The following NEK7 variants were observed in gnomAD, a reference collection of about 807,000 sequenced individuals.
NEK7 encodes NIMA related kinase 7, also known as serine/threonine-protein kinase Nek7.
In NEK7, 18 loss-of-function variants were observed where a neutral mutation model predicts 44.6. The observed-to-expected ratio is 0.40, with a 90% CI of 0.28 to 0.60. The LOEUF (loss-of-function observed/expected upper bound fraction) is 0.60, where lower values mean the gene tolerates loss of function less well. Ranked by LOEUF, NEK7 falls within the 20% of genes least tolerant of loss-of-function variation. NEK7 has a pLI of 0.38. For missense variants in NEK7, 256 were observed against 366.5 expected, an observed-to-expected ratio of 0.70 and a Z score of 2.46; for synonymous variants, 130 against 121.1, an observed-to-expected ratio of 1.07 and a Z score of -0.48.
chr1:198,249,194 T>A (rs1412515216), intron 2 of NEK7, among the ~76,000 whole-genome samples: 1 of 151,922 alleles, frequency 6.6e-6, no homozygotes, highest in Non-Finnish European at 1.5e-5. Flanking sequence ...TCCAGTTTCA[T>A]CCATGTCCCT....
chr1:198,171,629 A>G (rs538004975), intron 1 of NEK7, among the ~76,000 whole-genome samples: 1 of 151,810 alleles, frequency 6.6e-6, no homozygotes, highest in Non-Finnish European at 1.5e-5. Context: ...CAGTGAGCTG[A>G]GATTGTGCAA....
At chr1:198,217,399 T>A (rs1665952004) in intron 1 of NEK7, among the ~76,000 whole-genome samples, 1 of 123,260 alleles carries the variant, frequency 8.1e-6, no homozygotes, top group African/African-American at 3.8e-5. Flanking sequence ...CATCTCCTTA[T>A]GATAAAAACC....
chr1:198,212,088 A>C lies in NEK7; in HGVS notation c.-28-20465A>C, dbSNP rs543514560. On this transcript the variant is annotated intron_variant, in intron 1 of 9. Transcript: ENST00000367385. Reference sequence around the variant, plus strand: ...CCCAGACTCCAGTGGGATGGGAGCGAAGCCATTCCTGATCCTGTCTCACAG... The same window carrying C: ...CCCAGACTCCAGTGGGATGGGAGCGCAGCCATTCCTGATCCTGTCTCACAG... 2.6e-5 allele frequency among the ~76,000 whole-genome samples: 4 copies of C among 152,360 alleles called. No individual in the cohort carries two copies. In the East Asian group the frequency reaches 5.8e-4, roughly 22 times the overall value.
chr1:198,208,071 A>AT (rs1243890787), intron 1 of NEK7, among the ~76,000 whole-genome samples: 1 of 152,030 alleles, frequency 6.6e-6, no homozygotes, highest in East Asian at 1.9e-4. Context: ...GTTTAATTAA[A>AT]TTTGCCCTGT....
At chr1:198,254,219 T>C (rs1245019085) in intron 3 of NEK7, among the ~76,000 whole-genome samples, 1 of 152,182 alleles carries the variant, frequency 6.6e-6, no homozygotes, top group Non-Finnish European at 1.5e-5. Context: ...ATAATAGAGA[T>C]ACCCGCATAT....
intron 1 of NEK7, among the ~76,000 whole-genome samples, chr1:198,194,777 T>TA (rs1230221893): frequency 3.9e-5 from 6 of 152,216 alleles, no homozygotes; most frequent in Admixed American, 1.3e-4. Flanking sequence ...GCAGTGAACA[T>TA]ACAGGAGCAT....
intron 3 of NEK7, among the ~76,000 whole-genome samples, chr1:198,258,857 C>T (rs1332293534): frequency 6.6e-6 from 1 of 152,114 alleles, no homozygotes; most frequent in Admixed American, 6.6e-5. Flanking sequence ...CTTACAAAGT[C>T]CATATTTTCA....
intron 1 of NEK7, 97 bp from the exon 2 acceptor site, chr1:198,232,456 T>G (rs1053062628): frequency 3.3e-6 from 2 of 605,550 alleles, no homozygotes; most frequent in Admixed American, 2.5e-5. Flanking sequence ...AAGCATCAAG[T>G]AAATCTCTAG....
At chr1:198,216,860 CCTCGAAAACGACAACCCTT>C (rs1665936341) in intron 1 of NEK7, among the ~76,000 whole-genome samples, 1 of 151,722 alleles carries the variant, frequency 6.6e-6, no homozygotes, top group Non-Finnish European at 1.5e-5. Context: ...TTATCAATTT[CCTCGAAAACGACAACCCTT>C]CTAGATTGAA....
rs559628697 is a variant in NEK7, at chr1:198,310,626, G to C, written c.799-8786G>C. Among the ~76,000 whole-genome samples the C allele has an allele frequency of 4.6e-5, 7 of 151,940 alleles. No homozygotes were observed. The East Asian group carries it at 1.4e-3, about 29-fold the overall frequency. ...TCTTGAATTGATTTTTGTATAAGGTGTAAGGAAGGGATCCAGTTTCAGCTT... is the reference window on the plus strand; with the variant it reads ...TCTTGAATTGATTTTTGTATAAGGTCTAAGGAAGGGATCCAGTTTCAGCTT... On this transcript the variant is annotated intron_variant, in intron 9 of 9. Coordinates refer to ENST00000367385, the MANE Select transcript of NEK7 (RefSeq NM_133494.3).
At chr1:198,211,761 T>C (rs1276761043) in intron 1 of NEK7, among the ~76,000 whole-genome samples, 1 of 152,248 alleles carries the variant, frequency 6.6e-6, no homozygotes, top group East Asian at 1.9e-4. Context: ...GCATGCCTTT[T>C]CCACTTCGAA....
intron 2 of NEK7, among the ~76,000 whole-genome samples, chr1:198,238,766 T>A (rs755116664): frequency 2.6e-5 from 4 of 152,260 alleles, no homozygotes; most frequent in Non-Finnish European, 5.9e-5. Context: ...CCAAGCCAAT[T>A]AGTTTTTAGC....
At chr1:198,271,041 G>C (rs1653827134) in intron 5 of NEK7, among the ~76,000 whole-genome samples, 2 of 151,928 alleles carry the variant, frequency 1.3e-5, no homozygotes, top group East Asian at 3.9e-4. Context: ...TTAGGTTCTT[G>C]AGGCTGCTGG....
chr1:198,208,110 C>G (rs1665651382), intron 1 of NEK7, among the ~76,000 whole-genome samples: 1 of 152,084 alleles, frequency 6.6e-6, no homozygotes, highest in Non-Finnish European at 1.5e-5. Context: ...ACATTTCTTC[C>G]TATATCTTTA....
chr1:198,293,145 T>A (rs1394071532), intron 8 of NEK7, 106 bp downstream of exon 8: 2 of 610,188 alleles, frequency 3.3e-6, no homozygotes, highest in Non-Finnish European at 5.6e-6. Context: ...AAGAATCACC[T>A]TTTTAATTGT....
intron 1 of NEK7, among the ~76,000 whole-genome samples, chr1:198,225,575 C>T (rs1032655648): frequency 2.6e-5 from 4 of 152,038 alleles, no homozygotes; most frequent in African/African-American, 9.7e-5. Context: ...CTAACAATAC[C>T]TCTCTCATAT....
chr1:198,262,787 A>G (rs1391839536), intron 4 of NEK7, 150 bp downstream of exon 4: 4 of 406,030 alleles, frequency 9.9e-6, no homozygotes, highest in African/African-American at 8.3e-5. Context: ...AGTATACTGA[A>G]GAATGTAGTT....
intron 7 of NEK7, among the ~76,000 whole-genome samples, chr1:198,284,408 T>TA (rs1439904008): frequency 6.6e-6 from 1 of 152,182 alleles, no homozygotes; most frequent in African/African-American, 2.4e-5. Flanking sequence ...CTCTCTCTCC[T>TA]AGAATTGACT....
intron 8 of NEK7, among the ~76,000 whole-genome samples, chr1:198,293,486 C>T (rs905140920): frequency 3.2e-4 from 49 of 151,748 alleles, no homozygotes; most frequent in African/African-American, 1.1e-3. Context: ...ACAGATAGTT[C>T]TTCTAGGTTA....
Sources: gnomAD v4.1 joint callset for allele counts (sites outside exome capture counted in the v4.1 genomes callset) on GRCh38, gnomAD v4.1.1 for gene constraint, MANE v1.5 for transcripts, NCBI Gene and HGNC (gene_info 2026-07-23, HGNC 2026-07-21) for gene names.